The following CHSY3 variants were observed in gnomAD, a reference collection of about 807,000 sequenced individuals.
CHSY3 encodes the protein chondroitin sulfate synthase 3, also known as N-acetylgalactosaminyl-proteoglycan 3-beta-glucuronosyltransferase 3.
In CHSY3, 35 loss-of-function variants were observed where a neutral mutation model predicts 67.2. That is an observed-to-expected ratio of 0.52 (90% confidence interval 0.40 to 0.69). The LOEUF (loss-of-function observed/expected upper bound fraction) is 0.69, where lower values mean the gene tolerates loss of function less well. CHSY3 is among the 30% of genes least tolerant of loss of function. The pLI, the probability that CHSY3 is intolerant of heterozygous loss-of-function variation, is 0.00. For missense variants in CHSY3, 1,069 were observed against 1,138.5 expected (o/e 0.94, Z 0.88); for synonymous variants, 474 against 434.7 (o/e 1.09, Z -1.12).
rs1032620438 is a variant in CHSY3, at chr5:129,904,810, C to A, written c.-20C>A. ...CGCGCCGCGACAGCCCAGCGAGCGT[C>A]CGCGCCCGGGACAGCCGCGATGGCT... On this transcript the variant is annotated 5_prime_UTR_variant, in exon 1 of 3. Transcript: ENST00000305031. 7.3e-7 allele frequency: 1 copy of A among 1,367,160 alleles called. No individual in the cohort carries two copies. The highest frequency in any genetic ancestry group is 3.1e-5 in the Admixed American group (1 of 32,138). The allele number at this position is 1,367,160 out of a possible 1,614,324, so 84.7% of individuals were successfully genotyped here. A position where few individuals can be genotyped will look rare whatever the true frequency, so the allele number is the denominator to read the frequency against.
At chr5:130,086,433 C>T (rs1018691939) in intron 2 of CHSY3, among the ~76,000 whole-genome samples, 1 of 151,692 alleles carries the variant, frequency 6.6e-6, no homozygotes, top group African/African-American at 2.4e-5. Flanking sequence ...GGATTGCAAC[C>T]CCTGCCTTTT....
chr5:130,063,432 GT>G, intron 2 of CHSY3, among the ~76,000 whole-genome samples: 1 of 152,168 alleles, frequency 6.6e-6, no homozygotes, highest in East Asian at 1.9e-4. Context: ...ATTTTTCGTT[GT>G]TGTGACATCT....
At chr5:130,039,395 G>A (rs889609120) in intron 2 of CHSY3, among the ~76,000 whole-genome samples, 2 of 127,778 alleles carry the variant, frequency 1.6e-5, no homozygotes, top group African/African-American at 5.3e-5. Flanking sequence ...GGGTGGCTGA[G>A]GTGGGATGAT....
chr5:129,913,470 G>A (rs1760635259), intron 2 of CHSY3, among the ~76,000 whole-genome samples: 1 of 152,080 alleles, frequency 6.6e-6, no homozygotes, highest in African/African-American at 2.4e-5. Flanking sequence ...TTATAGATAT[G>A]TTTTTAGTAA....
Position 130,014,533 on chromosome 5 carries a change from C to T in CHSY3, c.1086+106173C>T, listed in dbSNP as rs147426768. Among the ~76,000 whole-genome samples the T allele has an allele frequency of 2.0e-3, 304 of 152,258 alleles. 3 individuals are homozygous for T. In the East Asian group the frequency reaches 0.021, roughly 10 times the overall value. On this transcript the variant is annotated intron_variant, in intron 2 of 2. Coordinates refer to ENST00000305031, the MANE Select transcript of CHSY3 (RefSeq NM_175856.5). ...TGCTAGACACTCATAACCATCAGAT[C>T]TTGTGAGAACTCACTCACTATCATG...
intron 2 of CHSY3, among the ~76,000 whole-genome samples, chr5:130,161,183 C>T (rs1013070142): frequency 6.6e-6 from 1 of 152,016 alleles, no homozygotes; most frequent in African/African-American, 2.4e-5. Context: ...GGATTACAGG[C>T]GTGAGCCACC....
chr5:129,955,849 G>A (rs543030846), intron 2 of CHSY3, among the ~76,000 whole-genome samples: 37 of 152,250 alleles, frequency 2.4e-4, no homozygotes, highest in Non-Finnish European at 4.6e-4. Context: ...CTCCATCCAT[G>A]TTCCTGCAAA....
chr5:130,133,496 G>C (rs1267668643), intron 2 of CHSY3, among the ~76,000 whole-genome samples: 1 of 152,018 alleles, frequency 6.6e-6, no homozygotes, highest in African/African-American at 2.4e-5. Flanking sequence ...GTAAGGCCTG[G>C]CGTGGTGGCT....
chr5:129,975,509 A>G (rs1186333849), intron 2 of CHSY3, among the ~76,000 whole-genome samples: 1 of 152,182 alleles, frequency 6.6e-6, no homozygotes, highest in Non-Finnish European at 1.5e-5. Context: ...TAGTTACTTC[A>G]TATGTAACAA....
intron 2 of CHSY3, among the ~76,000 whole-genome samples, chr5:130,015,814 A>G (rs2149649965): frequency 6.6e-6 from 1 of 152,322 alleles, no homozygotes; most frequent in South Asian, 2.1e-4. Context: ...TCACCACAGC[A>G]AAGACATAGA....
intron 2 of CHSY3, among the ~76,000 whole-genome samples, chr5:130,078,838 G>A (rs1255272232): frequency 2.0e-5 from 3 of 152,154 alleles, no homozygotes; most frequent in Non-Finnish European, 4.4e-5. Context: ...AGAAACAGCT[G>A]TGCCTATTGG....
At chr5:130,177,010 A>AT (rs2149735306) in intron 2 of CHSY3, among the ~76,000 whole-genome samples, 1 of 152,200 alleles carries the variant, frequency 6.6e-6, no homozygotes, top group East Asian at 1.9e-4. Context: ...AATACTTGTT[A>AT]TTTTGATTAC....
chr5:129,945,353 A>G (rs1253709502), intron 2 of CHSY3, among the ~76,000 whole-genome samples: 1 of 152,244 alleles, frequency 6.6e-6, no homozygotes, highest in Non-Finnish European at 1.5e-5. Context: ...CAGAATAAAC[A>G]TGGCATAACT....
rs1561500455 is a variant in CHSY3, at chr5:130,020,448, TATATA to T, written c.1086+112089_1086+112093del. On this transcript the variant is annotated intron_variant, in intron 2 of 2. Transcript: ENST00000305031. ...ATATATATATATATATATATATATA[TATATA>T]TATATATATTTTTTTTTTTTTTTTT... Among the ~76,000 whole-genome samples, 10 of 9,586 alleles carry T rather than the reference TATATA, an allele frequency of 1.0e-3. 2 individuals carry two copies. Among genetic ancestry groups the T allele is most frequent in the African/African-American group, 3.1e-3 (8 of 2,606 alleles). 6.3% of individuals were successfully genotyped at this position (9,586 alleles called of 152,430 possible).
At chr5:130,070,203 A>T (rs752508403) in intron 2 of CHSY3, among the ~76,000 whole-genome samples, 38 of 152,232 alleles carry the variant, frequency 2.5e-4, no homozygotes, top group Non-Finnish European at 4.4e-4. Flanking sequence ...CTACCTATGA[A>T]AATACTTCTC....
chr5:130,130,845 A>G (rs919792943), intron 2 of CHSY3, among the ~76,000 whole-genome samples: 10 of 152,208 alleles, frequency 6.6e-5, no homozygotes, highest in African/African-American at 2.2e-4. Context: ...TTTGTAAGAA[A>G]TGATACATTC....
At chr5:129,989,639 G>A (rs1044928052) in intron 2 of CHSY3, among the ~76,000 whole-genome samples, 4 of 152,062 alleles carry the variant, frequency 2.6e-5, no homozygotes, top group African/African-American at 9.7e-5. Context: ...AAATTAGCTT[G>A]ACAAGTGGTT....
chr5:130,180,685 C>T (rs973560704), intron 2 of CHSY3, among the ~76,000 whole-genome samples: 3 of 151,922 alleles, frequency 2.0e-5, no homozygotes, highest in Non-Finnish European at 2.9e-5. Flanking sequence ...AGACCCATCT[C>T]TACAAAAGAA....
chr5:129,917,833 C>A (rs1244097324), intron 2 of CHSY3, among the ~76,000 whole-genome samples: 12 of 152,096 alleles, frequency 7.9e-5, no homozygotes, highest in Non-Finnish European at 7.4e-5. Context: ...ACCCTTCATC[C>A]GTTATGTCAA....
Sources: allele counts gnomAD v4.1 joint callset (sites outside exome capture counted in the v4.1 genomes callset), GRCh38; gene constraint gnomAD v4.1.1; transcripts MANE v1.5; gene names NCBI Gene and HGNC (gene_info 2026-07-23, HGNC 2026-07-21).